The following ANGEL2 variants were observed in gnomAD, a reference collection of about 807,000 sequenced individuals.
The protein encoded by ANGEL2 is angel homolog 2.
ANGEL2 carries 41 observed loss-of-function variants against 66.0 expected under a neutral mutation model. The ratio of observed to expected loss-of-function variants is 0.62; its 90% CI spans 0.48 to 0.81. The LOEUF (loss-of-function observed/expected upper bound fraction) is 0.81, where lower values mean the gene tolerates loss of function less well. ANGEL2 is among the 30% of genes least tolerant of loss of function. ANGEL2 has a pLI of 0.00. For synonymous variants in ANGEL2, 208 were observed against 226.5 expected, an observed-to-expected ratio of 0.92 and a Z score of 0.73; for missense variants, 561 against 641.6, an observed-to-expected ratio of 0.87 and a Z score of 1.36.
intron 2 of ANGEL2, among the ~76,000 whole-genome samples, chr1:213,012,340 A>G (rs1352192588): frequency 6.6e-6 from 1 of 152,238 alleles, no homozygotes; most frequent in African/African-American, 2.4e-5. Context: ...GTTCAATAAG[A>G]AAGACAATTC....
At position 212,992,807 on chromosome 1, in the gene ANGEL2, T is replaced by C. The variant is rs1168918997; in HGVS notation, c.*2234A>G. 1.3e-5 allele frequency: 2 copies of C among 152,242 alleles called. No individual in the cohort carries two copies. Among genetic ancestry groups the C allele is most frequent in the African/African-American group, 2.4e-5 (1 of 41,456 alleles). 9.4% of individuals were successfully genotyped at this position (152,242 alleles called of 1,614,324 possible). On this transcript the variant is annotated 3_prime_UTR_variant, in exon 9 of 9. Transcript: ENST00000366962. ...GTTAACAATGACCTATATGTAATAA[T>C]GTTATTTGTTAATAAATTCACACAA...
intron 4 of ANGEL2, chr1:213,006,780 C>T (rs1282161359): frequency 1.8e-5 from 4 of 216,508 alleles, no homozygotes; most frequent in Admixed American, 1.7e-4. Flanking sequence ...CCAGTGAGTA[C>T]CTCAATCTTT....
At chr1:213,011,262 GA>G in intron 2 of ANGEL2, 8 of 1,288,974 alleles carry the variant, frequency 6.2e-6, no homozygotes, top group Non-Finnish European at 8.1e-6. Context: ...ATGAATCAAA[GA>G]AAGTAAGCAA....
intron 1 of ANGEL2, 122 bp downstream of exon 1, chr1:213,015,491 C>G: frequency 8.0e-6 from 12 of 1,496,898 alleles, no homozygotes; most frequent in Non-Finnish European, 9.8e-6. Context: ...CGCCCAGACC[C>G]TCTTCCTCTT....
chr1:212,999,701 T>C (rs1182456568), intron 7 of ANGEL2, among the ~76,000 whole-genome samples: 1 of 152,224 alleles, frequency 6.6e-6, no homozygotes, highest in Non-Finnish European at 1.5e-5. Context: ...TTTATTAACA[T>C]GTATCAATTT....
At chr1:213,014,683 C>G (rs569430909) in intron 1 of ANGEL2, among the ~76,000 whole-genome samples, 1 of 152,240 alleles carries the variant, frequency 6.6e-6, no homozygotes, top group East Asian at 1.9e-4. Flanking sequence ...AGAACAGAAC[C>G]GTCTTATTCA....
chr1:212,997,099 T>G, intron 8 of ANGEL2, 56 bp downstream of exon 8: 16 of 1,474,516 alleles, frequency 1.1e-5, no homozygotes, highest in African/African-American at 1.4e-5. Flanking sequence ...ACTTTAACCT[T>G]GAGGTTTTAG....
chr1:213,000,622 T>C (rs527815158), intron 6 of ANGEL2, 164 bp downstream of exon 6: 1 of 826,560 alleles, frequency 1.2e-6, no homozygotes, highest in East Asian at 2.9e-5. Flanking sequence ...AGTTCAACTT[T>C]AAAAAGGTAA....
rs1273768978 is a variant in ANGEL2, at chr1:212,997,141, C to T, written c.1483+14G>A. The stretch of plus-strand genomic sequence containing the variant: ...TGCTCTCTAGGAGAATTTAAGATTA[C>T]ATGCATTCCTTACCTGGGTGCCCAG... On this transcript the variant is annotated intron_variant, in intron 8 of 8. Transcript: ENST00000366962. 1 of 1,608,512 alleles carries T rather than the reference C, an allele frequency of 6.2e-7. No homozygotes were observed. The highest frequency in any genetic ancestry group is 2.2e-5 in the East Asian group (1 of 44,742).
rs2075906904 is a variant in ANGEL2 at position 212,993,307 on chromosome 1, TAAAAAATA to T, written c.*1726_*1733del. 6.6e-6 allele frequency: 1 copy of T among 152,062 alleles called. No individual in the cohort carries two copies. The highest frequency in any genetic ancestry group is 2.4e-5 in the African/African-American group (1 of 41,394). The allele number at this position is 152,062 out of a possible 1,614,324, so 9.4% of individuals were successfully genotyped here. On this transcript the variant is annotated 3_prime_UTR_variant, in exon 9 of 9. Transcript: ENST00000366962. ...CTGGGCGATAGCGTGAGACACCATCTAAAAAATAAAAAAATAAAAACCCCCCAAAATGA... is the reference window on the plus strand; with the variant it reads ...CTGGGCGATAGCGTGAGACACCATCTAAAAAATAAAAACCCCCCAAAATGA...
chr1:213,000,013 A>G (rs1036958410), intron 7 of ANGEL2, among the ~76,000 whole-genome samples: 3 of 152,214 alleles, frequency 2.0e-5, no homozygotes, highest in Non-Finnish European at 4.4e-5. Flanking sequence ...TTCCCTTCCT[A>G]ACACTACCTA....
At chr1:212,996,622 CCAAAAAAAA>C (rs1257789682) in intron 8 of ANGEL2, among the ~76,000 whole-genome samples, 4 of 22,716 alleles carry the variant, frequency 1.8e-4, no homozygotes, top group African/African-American at 5.0e-4. Flanking sequence ...GACTCTGTAT[CCAAAAAAAA>C]AAAAAAAAAA....
rs2102679946 is a variant in ANGEL2, at chr1:212,993,809, C to T, written c.*1232G>A. The T allele has an allele frequency of 6.6e-6, 1 of 152,248 alleles. No homozygotes were observed. Among genetic ancestry groups the T allele is most frequent in the Admixed American group, 6.5e-5 (1 of 15,300 alleles). The allele number at this position is 152,248 out of a possible 1,614,324, so 9.4% of individuals were successfully genotyped here. On this transcript the variant is annotated 3_prime_UTR_variant, in exon 9 of 9. Transcript: ENST00000366962. ...GACTATTTACAGAGCATTAGGTCTC[C>T]AAGTTAATATCTCCCCACTAGAGTT...
Position 213,004,922 on chromosome 1 carries a change from A to C in ANGEL2, c.1134+111T>G, listed in dbSNP as rs1272913742. 3 of 436,410 alleles carry C rather than the reference A, an allele frequency of 6.9e-6. No homozygotes were observed. In the Admixed American group the frequency reaches 1.2e-4, roughly 17 times the overall value. The allele number at this position is 436,410 out of a possible 1,614,324, so 27.0% of individuals were successfully genotyped here. A position where few individuals can be genotyped will look rare whatever the true frequency, so the allele number is the denominator to read the frequency against. On this transcript the variant is annotated intron_variant, in intron 5 of 8. Transcript: ENST00000366962. ...TGGAAAATCATAGTTTGATAAAGTG[A>C]GGGTACTGGATCATCCAAGGTTTTC...
chr1:212,995,316 G>A, intron 8 of ANGEL2, 124 bp from the exon 9 acceptor site: 2 of 686,650 alleles, frequency 2.9e-6, no homozygotes, highest in South Asian at 3.8e-5. Flanking sequence ...TAAAAACTAT[G>A]ACACAGTTTT....
Position 212,997,315 on chromosome 1 carries a change from C to G in ANGEL2, c.1323G>C (p.Leu441Phe). The G allele has an allele frequency of 8.7e-6, 14 of 1,602,338 alleles. No individual in the cohort carries two copies. The highest frequency in any genetic ancestry group is 1.2e-5 in the Non-Finnish European group (14 of 1,170,902). Reference sequence around the variant, plus strand: ...TGAAATGGTGCTGTAAATTTGAAGACAATCTAAATAGAAAAGAAGAAGTGT... The same window carrying G: ...TGAAATGGTGCTGTAAATTTGAAGAGAATCTAAATAGAAAAGAAGAAGTGT... ...QTEVLVTAEKLSSNLQHHFSL... is the reference protein window; with the variant it reads ...QTEVLVTAEKFSSNLQHHFSL... The change falls in exon 8 of 9, where the codon TTG (leucine) becomes TTC (phenylalanine). Residue 441 changes from leucine to phenylalanine, a missense_variant. Leu to Phe is a conservative substitution (Grantham distance 22). Coordinates refer to ENST00000366962, the MANE Select transcript of ANGEL2 (RefSeq NM_144567.5).
intron 8 of ANGEL2, among the ~76,000 whole-genome samples, chr1:212,996,239 G>A (rs764943685): frequency 4.8e-4 from 73 of 152,216 alleles, no homozygotes; most frequent in South Asian, 8.3e-4. Flanking sequence ...CCTGGGAGGC[G>A]GAGCTTGCAG....
chr1:213,014,725 C>T (rs904877315), intron 1 of ANGEL2, among the ~76,000 whole-genome samples: 2 of 152,216 alleles, frequency 1.3e-5, no homozygotes, highest in African/African-American at 4.8e-5. Context: ...AAGTGCCTAG[C>T]ACAGTGCCTG....
chr1:213,014,857 G>C (rs2076598202), intron 1 of ANGEL2, among the ~76,000 whole-genome samples: 1 of 152,102 alleles, frequency 6.6e-6, no homozygotes. Flanking sequence ...TCCCAAGCGT[G>C]GTGGGTGGTA....
Sources: gnomAD v4.1 joint callset for allele counts (sites outside exome capture counted in the v4.1 genomes callset) on GRCh38, gnomAD v4.1.1 for gene constraint, MANE v1.5 for transcripts, NCBI Gene and HGNC (gene_info 2026-07-23, HGNC 2026-07-21) for gene names.